Variants in DNAH12 observed in about 807,000 individuals in gnomAD.
The protein encoded by DNAH12 is dynein axonemal heavy chain 12, also known as axonemal beta dynein heavy chain 12.
Under a neutral mutation model 371.5 loss-of-function variants are expected in DNAH12, and 285 were observed. The observed-to-expected ratio is 0.77, with a 90% CI of 0.70 to 0.85. The LOEUF (loss-of-function observed/expected upper bound fraction) is 0.85, where lower values mean the gene tolerates loss of function less well. Ranked by LOEUF, DNAH12 falls within the 40% of genes least tolerant of loss-of-function variation. DNAH12 has a pLI of 0.00. For missense variants in DNAH12, 3,611 were observed against 3,689.4 expected, an observed-to-expected ratio of 0.98 and a Z score of 0.55; for synonymous variants, 1,200 against 1,213.0, an observed-to-expected ratio of 0.99 and a Z score of 0.22.
chr3:57,399,872 TTATTA>T (rs1402651403), intron 43 of DNAH12, among the ~76,000 whole-genome samples: 9 of 152,356 alleles, frequency 5.9e-5, no homozygotes, highest in Admixed American at 6.5e-5. Context: ...CTGGCGTACT[TTATTA>T]TAAGAATACA....
chr3:57,424,837 T>C (rs977756660), intron 35 of DNAH12, among the ~76,000 whole-genome samples, 185 bp downstream of exon 35: 1 of 152,016 alleles, frequency 6.6e-6, no homozygotes, highest in African/African-American at 2.4e-5. Flanking sequence ...GACATTTTAA[T>C]TTCTTTAAAG....
At chr3:57,345,157 T>TG (rs2153317408) in intron 60 of DNAH12, among the ~76,000 whole-genome samples, 1 of 152,326 alleles carries the variant, frequency 6.6e-6, no homozygotes, top group Non-Finnish European at 1.5e-5. Context: ...TTACCAATAC[T>TG]GTAAATTTAC....
At chr3:57,468,260 T>C (rs2066262457) in intron 17 of DNAH12, among the ~76,000 whole-genome samples, 1 of 152,170 alleles carries the variant, frequency 6.6e-6, no homozygotes, top group Non-Finnish European at 1.5e-5. Context: ...TTCTTGAGCC[T>C]AGGAGTCTGA....
At chr3:57,488,557 C>T (rs1197738402) in intron 12 of DNAH12, among the ~76,000 whole-genome samples, 1 of 152,048 alleles carries the variant, frequency 6.6e-6, no homozygotes, top group Non-Finnish European at 1.5e-5. Context: ...AAGTAGGTTG[C>T]CCAGAGTTAT....
At chr3:57,421,902 C>CTTTT (rs368757579) in intron 35 of DNAH12, among the ~76,000 whole-genome samples, 196 bp from the exon 36 acceptor site, 2,272 of 98,428 alleles carry the variant, frequency 0.023, 181 homozygotes, top group Non-Finnish European at 0.033. Context: ...GTTTGCATGT[C>CTTTT]TTTTTTTTTT....
At chr3:57,311,088 T>G (rs1003504485) in intron 66 of DNAH12, 138 bp from the exon 67 acceptor site, 4 of 669,440 alleles carry the variant, frequency 6.0e-6, no homozygotes, top group Admixed American at 2.8e-5. Context: ...AGATTGTTAG[T>G]TTTTTTTTGG....
intron 30 of DNAH12, among the ~76,000 whole-genome samples, chr3:57,436,745 T>C (rs2065138284): frequency 6.6e-6 from 1 of 152,126 alleles, no homozygotes; most frequent in Non-Finnish European, 1.5e-5. Context: ...ACTAGGTCAC[T>C]GAATGAGCAC....
At chr3:57,320,299 G>A (rs900565746) in intron 65 of DNAH12, among the ~76,000 whole-genome samples, 1 of 152,140 alleles carries the variant, frequency 6.6e-6, no homozygotes, top group African/African-American at 2.4e-5. Flanking sequence ...CTATAAGAAT[G>A]TCTTGCACCT....
At chr3:57,382,995 T>C (rs2063426995) in intron 49 of DNAH12, among the ~76,000 whole-genome samples, 1 of 152,220 alleles carries the variant, frequency 6.6e-6, no homozygotes, top group African/African-American at 2.4e-5. Flanking sequence ...ACTTGAGTGA[T>C]ACTAGAATTC....
intron 69 of DNAH12, among the ~76,000 whole-genome samples, chr3:57,303,059 A>G (rs571007813): frequency 2.6e-5 from 4 of 151,216 alleles, no homozygotes; most frequent in African/African-American, 7.3e-5. Flanking sequence ...TACCCACTCA[A>G]CTGGGCGTGG....
chr3:57,352,458 G>A (rs1304820551), intron 59 of DNAH12, among the ~76,000 whole-genome samples: 1 of 152,092 alleles, frequency 6.6e-6, no homozygotes, highest in Non-Finnish European at 1.5e-5. Context: ...GAAACAAGAT[G>A]AAGGGTACGT....
At chr3:57,553,486 G>A in the DNAH12 span, among the ~76,000 whole-genome samples, 1,055 of 152,218 alleles carry the variant, frequency 6.9e-3, 7 homozygotes, top group Non-Finnish European at 0.011. Context: ...GCAGAGTTGC[G>A]CCAGGGAGGA....
chr3:57,490,534 C>G (rs1457672495), intron 11 of DNAH12, among the ~76,000 whole-genome samples: 1 of 152,182 alleles, frequency 6.6e-6, no homozygotes, highest in African/African-American at 2.4e-5. Flanking sequence ...CAAACTTTGA[C>G]TTAATTTCAC....
In DNAH12 at chr3:57,411,766, T is replaced by C. The variant is rs150408049; in HGVS notation, c.6020+1980A>G. ...GATGACAGTCCTTCCAAACTTGACA[T>C]GTAGATTCAACGCAATCCCAATCTA... On this transcript the variant is annotated intron_variant, in intron 39 of 73. Transcript: ENST00000495027. Among the ~76,000 whole-genome samples, 7 of 152,238 alleles carry C rather than the reference T, an allele frequency of 4.6e-5. No individual in the cohort carries two copies. The East Asian group carries it at 1.3e-3, about 29-fold the overall frequency.
At chr3:57,350,297 A>G (rs2153320813) in intron 60 of DNAH12, among the ~76,000 whole-genome samples, 1 of 152,336 alleles carries the variant, frequency 6.6e-6, no homozygotes, top group Non-Finnish European at 1.5e-5. Context: ...TAAATAAAAA[A>G]TTAAAGAACA....
At chr3:57,549,516 A>T in the DNAH12 span, among the ~76,000 whole-genome samples, 4,651 of 152,096 alleles carry the variant, frequency 0.031, 227 homozygotes, top group African/African-American at 0.11. Flanking sequence ...GACCCAAAAA[A>T]TTTTTTTAAA....
chr3:57,295,586 C>A lies in DNAH12; in HGVS notation c.11631G>T (p.Leu3877Phe), dbSNP rs2061216293. ...DGARWDRESG[L>F]LAEQYPKLLF... ...GAAGTTTGGGATATTGTTCAGCAAG[C>A]AATCCACTGTAACGAGAAATTGACA... Residue 3877 changes from leucine to phenylalanine, a missense_variant, in exon 73 of 74, where the codon TTG becomes TTT. Physicochemically the swap from Leu to Phe is conservative, Grantham distance 22. Coordinates refer to ENST00000495027, the MANE Select transcript of DNAH12 (RefSeq NM_001366028.2). 6 of 1,542,976 alleles carry A rather than the reference C, an allele frequency of 3.9e-6. No homozygotes were observed. Among genetic ancestry groups the A allele is most frequent in the Non-Finnish European group, 5.3e-6 (6 of 1,142,034 alleles).
intron 8 of DNAH12, among the ~76,000 whole-genome samples, chr3:57,505,077 A>G (rs1351261828): frequency 8.6e-5 from 13 of 151,878 alleles, no homozygotes; most frequent in Admixed American, 4.6e-4. Flanking sequence ...TTGTAGAGAC[A>G]GGGTTTTGTC....
chr3:57,337,044 C>T (rs926499370), intron 60 of DNAH12, among the ~76,000 whole-genome samples: 5 of 152,048 alleles, frequency 3.3e-5, no homozygotes, highest in Non-Finnish European at 2.9e-5. Context: ...CTGACAGTAA[C>T]AGGATGAAAA....
Sources: gnomAD v4.1 joint callset for allele counts (sites outside exome capture counted in the v4.1 genomes callset) on GRCh38, gnomAD v4.1.1 for gene constraint, MANE v1.5 for transcripts, NCBI Gene and HGNC (gene_info 2026-07-23, HGNC 2026-07-21) for gene names.